Variants in QTGAL observed in about 807,000 individuals in gnomAD.
QTGAL encodes BGnT-like protein 1.
At chr17:82,961,288 A>G in the QTGAL span, 3 of 1,449,088 alleles carry the variant, frequency 2.1e-6, no homozygotes, top group Non-Finnish European at 2.8e-6. Flanking sequence ...ACCGGTGGAA[A>G]AGGCTTTTGT....
At chr17:82,947,945 C>T in the QTGAL span, 1 of 152,214 alleles carries the variant, frequency 6.6e-6, no homozygotes. Flanking sequence ...CGTGTTGACA[C>T]CGTCTTAAAC....
the QTGAL span, chr17:82,978,569 T>C: frequency 9.2e-5 from 14 of 152,186 alleles, 1 homozygote; most frequent in Admixed American, 9.2e-4. The surrounding 1 kb of genome is among the most constrained non-coding windows in gnomAD (Gnocchi z 4.8). Flanking sequence ...TGAACCCGGA[T>C]GCAGGTCTCA....
At chr17:82,999,498 A>G in the QTGAL span, among the ~76,000 whole-genome samples, 2,066 of 152,320 alleles carry the variant, frequency 0.014, 107 homozygotes, top group Admixed American at 0.1. Flanking sequence ...AACTCCCCGA[A>G]AATTTAACCA....
chr17:83,051,217 C>T, the QTGAL span, among the ~76,000 whole-genome samples: 4 of 124,384 alleles, frequency 3.2e-5, no homozygotes, highest in African/African-American at 1.3e-4. Context: ...TGCGTAAGAG[C>T]GAGGCAGATG....
At chr17:82,961,092 G>T in the QTGAL span, 1 of 1,610,468 alleles carries the variant, frequency 6.2e-7, no homozygotes. Flanking sequence ...GTGGGTGGTG[G>T]CGATACAGCA....
chr17:83,028,320 C>A, the QTGAL span, among the ~76,000 whole-genome samples: 2 of 151,370 alleles, frequency 1.3e-5, no homozygotes, highest in African/African-American at 4.9e-5. Context: ...GTCAGGAGAT[C>A]GAGACCATCC....
At chr17:83,011,637 G>C in the QTGAL span, 3 of 152,294 alleles carry the variant, frequency 2.0e-5, no homozygotes, top group African/African-American at 7.2e-5. Context: ...GAAGAGCTTC[G>C]ACGTGGAGAA....
chr17:83,035,231 G>C, the QTGAL span: 1 of 669,614 alleles, frequency 1.5e-6, no homozygotes, highest in Admixed American at 3.3e-5. Context: ...CCAGGCTGGA[G>C]TGCAGTGGCG....
the QTGAL span, among the ~76,000 whole-genome samples, chr17:83,038,240 A>G: frequency 6.6e-6 from 1 of 152,200 alleles, no homozygotes; most frequent in African/African-American, 2.4e-5. Flanking sequence ...CAAACCAACC[A>G]TATTTTATTA....
At chr17:82,961,291 GC>G in the QTGAL span, 2 of 1,419,910 alleles carry the variant, frequency 1.4e-6, no homozygotes, top group Non-Finnish European at 1.9e-6. Context: ...GGTGGAAAAG[GC>G]TTTTGTTGCA....
chr17:83,023,990 C>T, the QTGAL span, among the ~76,000 whole-genome samples: 7 of 152,200 alleles, frequency 4.6e-5, no homozygotes, highest in African/African-American at 7.2e-5. Flanking sequence ...CCTTCTACCT[C>T]GCCAGAGCAA....
At chr17:82,996,175 A>T in the QTGAL span, among the ~76,000 whole-genome samples, 1 of 152,232 alleles carries the variant, frequency 6.6e-6, no homozygotes, top group Admixed American at 6.5e-5. Context: ...TACCCAAAGC[A>T]ATCTATAGAT....
chr17:82,999,127 C>T, the QTGAL span, among the ~76,000 whole-genome samples: 1 of 152,202 alleles, frequency 6.6e-6, no homozygotes, highest in African/African-American at 2.4e-5. Context: ...CCTTCCACTT[C>T]TAAGTATTTT....
At chr17:82,977,810 C>T in the QTGAL span, among the ~76,000 whole-genome samples, 1 of 152,190 alleles carries the variant, frequency 6.6e-6, no homozygotes. Flanking sequence ...CTCAGAACAG[C>T]CTCGTTTTCA....
the QTGAL span, chr17:82,978,775 G>A: frequency 6.6e-6 from 1 of 152,156 alleles, no homozygotes; most frequent in Non-Finnish European, 1.5e-5. The surrounding 1 kb of genome is among the most constrained non-coding windows in gnomAD (Gnocchi z 4.8). Flanking sequence ...ATCCAGTTGA[G>A]TCTAGAGACA....
chr17:83,000,074 T>C, the QTGAL span, among the ~76,000 whole-genome samples: 1 of 152,190 alleles, frequency 6.6e-6, no homozygotes, highest in African/African-American at 2.4e-5. Flanking sequence ...GCGATTCTCC[T>C]GCCTCAGCCT....
the QTGAL span, among the ~76,000 whole-genome samples, chr17:82,991,407 T>C: frequency 0.012 from 1,848 of 152,322 alleles, 42 homozygotes; most frequent in African/African-American, 0.042. Context: ...TGGTTTTACA[T>C]GGGGTTTCCG....
At chr17:83,020,697 A>G in the QTGAL span, among the ~76,000 whole-genome samples, 1 of 152,182 alleles carries the variant, frequency 6.6e-6, no homozygotes, top group Non-Finnish European at 1.5e-5. Flanking sequence ...TTCTAAAACC[A>G]GCGTCTCAAA....
the QTGAL span, among the ~76,000 whole-genome samples, chr17:82,999,888 T>C: frequency 5.8e-4 from 89 of 152,348 alleles, no homozygotes; most frequent in Middle Eastern, 0.014. Context: ...TCAAGGTTTA[T>C]AGGATCGCCT....
Sources: allele counts gnomAD v4.1 joint callset (sites outside exome capture counted in the v4.1 genomes callset), GRCh38; gene constraint gnomAD v4.1.1; non-coding constraint Gnocchi (gnomAD v3.1); transcripts MANE v1.5; gene names NCBI Gene and HGNC (gene_info 2026-07-23, HGNC 2026-07-21).